ABCC4: variants seen among roughly 807,000 people sequenced by gnomAD.
ABCC4 encodes the protein ATP binding cassette subfamily C member 4 (PEL blood group), also known as ATP-binding cassette sub-family C member 4.
ABCC4 carries 102 observed loss-of-function variants against 168.5 expected under a neutral mutation model. The observed-to-expected ratio is 0.61, with a 90% CI of 0.52 to 0.71. The LOEUF is 0.71. Among genes scored for constraint, ABCC4 ranks in the 30% least tolerant of loss-of-function variants. ABCC4 has a pLI of 0.00. For missense variants in ABCC4, 1,402 were observed against 1,605.8 expected (o/e 0.87, Z 2.17); for synonymous variants, 617 against 590.7 (o/e 1.04, Z -0.65).
In ABCC4 at chr13:95,184,729, G is replaced by A. The variant is rs2038004236; in HGVS notation, c.1545+1972C>T. ...AACCTGTCATAGAGAAATGATGGAA[G>A]AAAAGAGCTGAAAGACAAGGCCCAG... On this transcript the variant is annotated intron_variant, in intron 11 of 30. Coordinates refer to ENST00000645237, the MANE Select transcript of ABCC4 (RefSeq NM_005845.5). Among the ~76,000 whole-genome samples the A allele has an allele frequency of 2.6e-5, 4 of 152,214 alleles. No homozygotes were observed. The South Asian group carries it at 8.3e-4, about 31-fold the overall frequency.
intron 1 of ABCC4, among the ~76,000 whole-genome samples, chr13:95,262,875 T>C (rs2040569610): frequency 6.6e-6 from 1 of 152,178 alleles, no homozygotes; most frequent in Non-Finnish European, 1.5e-5. Context: ...CCTCAAGCAA[T>C]CCAGCCACCT....
At chr13:95,216,608 C>CAAAAAAA (rs199711816) in intron 4 of ABCC4, among the ~76,000 whole-genome samples, 2 of 125,566 alleles carry the variant, frequency 1.6e-5, no homozygotes, top group African/African-American at 6.4e-5. Context: ...AGGAAATTCA[C>CAAAAAAA]AAAAAAAAAA....
intron 30 of ABCC4, among the ~76,000 whole-genome samples, chr13:95,031,738 G>A (rs952972053): frequency 6.6e-6 from 1 of 152,036 alleles, no homozygotes. Context: ...TCCTAATTCT[G>A]TCTCTGCTAT....
At chr13:95,257,865 T>C (rs1187407941) in intron 1 of ABCC4, among the ~76,000 whole-genome samples, 1 of 152,170 alleles carries the variant, frequency 6.6e-6, no homozygotes, top group Non-Finnish European at 1.5e-5. Context: ...GTTATCTTGA[T>C]GCTTTCCCAG....
intron 20 of ABCC4, among the ~76,000 whole-genome samples, chr13:95,108,771 T>G (rs1322861268): frequency 6.6e-6 from 1 of 152,044 alleles, no homozygotes; most frequent in Non-Finnish European, 1.5e-5. Context: ...TAGCTGGGAC[T>G]ACAGGTACCC....
At position 95,247,073 on chromosome 13, in the gene ABCC4, T is replaced by C; in HGVS notation, c.208A>G (p.Arg70Gly). 3 of 1,613,666 alleles carry C rather than the reference T, an allele frequency of 1.9e-6. No homozygotes were observed. ...GGCTTCTGTGCGTCATTCTCAGCTC[T>C]TAAAACTTCTTTATCCCAGAACCTA... ...LQGFWDKEVL[R>G]AENDAQKPSL... The change falls in exon 3 of 31, where the codon AGA becomes GGA. Residue 70 changes from arginine to glycine, a missense_variant. By Grantham distance (125) the Arg-to-Gly change is moderately radical. Coordinates refer to ENST00000645237, the MANE Select transcript of ABCC4 (RefSeq NM_005845.5).
At chr13:95,299,651 A>G (rs2041624751) in intron 1 of ABCC4, among the ~76,000 whole-genome samples, 1 of 152,086 alleles carries the variant, frequency 6.6e-6, no homozygotes, top group Non-Finnish European at 1.5e-5. Flanking sequence ...CAATTCTTCC[A>G]GTGTGGCCCA....
intron 19 of ABCC4, 103 bp from the exon 20 acceptor site, chr13:95,116,104 TTAATA>T (rs2035370503): frequency 2.6e-6 from 2 of 757,780 alleles, no homozygotes; most frequent in Non-Finnish European, 4.2e-6. Context: ...GCATATGTAT[TTAATA>T]TATTATTCAT....
chr13:95,091,288 C>A (rs1334256114), intron 20 of ABCC4, among the ~76,000 whole-genome samples: 2 of 152,104 alleles, frequency 1.3e-5, no homozygotes, highest in Non-Finnish European at 2.9e-5. Flanking sequence ...ATACAAGAAG[C>A]ACAAAGAACA....
chr13:95,079,704 G>A (rs9584279), intron 21 of ABCC4, among the ~76,000 whole-genome samples: 9,918 of 152,114 alleles, frequency 0.065, 1,057 homozygotes, highest in African/African-American at 0.22. Flanking sequence ...GTGTGGTGGC[G>A]GGTGCCTGCA....
chr13:95,170,491 C>T, intron 14 of ABCC4, 41 bp downstream of exon 14: 1 of 1,285,428 alleles, frequency 7.8e-7, no homozygotes, highest in Non-Finnish European at 1.1e-6. Flanking sequence ...TCAACACACC[C>T]AAGTACTTGC....
At chr13:95,250,116 A>G (rs747677097) in intron 1 of ABCC4, among the ~76,000 whole-genome samples, 50 of 152,230 alleles carry the variant, frequency 3.3e-4, no homozygotes, top group Non-Finnish European at 6.3e-4. Flanking sequence ...AAGAGACTAA[A>G]TTATCTTTGA....
At chr13:95,282,373 G>A (rs937023005) in intron 1 of ABCC4, among the ~76,000 whole-genome samples, 2 of 152,166 alleles carry the variant, frequency 1.3e-5, no homozygotes, top group Non-Finnish European at 2.9e-5. Context: ...CACCCTTGCA[G>A]CACAGCAACC....
At chr13:95,202,624 T>A (rs1016652646) in intron 8 of ABCC4, among the ~76,000 whole-genome samples, 13 of 149,774 alleles carry the variant, frequency 8.7e-5, no homozygotes. Flanking sequence ...ATGCTGTGCA[T>A]GTGGGGATAA....
chr13:95,232,313 C>T (rs1362334574), intron 4 of ABCC4, among the ~76,000 whole-genome samples: 1 of 152,128 alleles, frequency 6.6e-6, no homozygotes, highest in Non-Finnish European at 1.5e-5. Flanking sequence ...TCCCCCATGT[C>T]AAAGGAAGAC....
chr13:95,163,684 T>C (rs1358081912), intron 16 of ABCC4, 37 bp from the exon 17 acceptor site: 1 of 1,584,346 alleles, frequency 6.3e-7, no homozygotes. Flanking sequence ...AAAATCAAAC[T>C]TGGGCATGAC....
chr13:95,167,279 C>T (rs2037313417), intron 14 of ABCC4, among the ~76,000 whole-genome samples: 1 of 152,138 alleles, frequency 6.6e-6, no homozygotes, highest in Non-Finnish European at 1.5e-5. Context: ...TGGGACACAA[C>T]CTTGCACAGT....
intron 3 of ABCC4, among the ~76,000 whole-genome samples, chr13:95,240,302 C>A (rs950295389): frequency 1.3e-5 from 2 of 152,224 alleles, no homozygotes; most frequent in Non-Finnish European, 2.9e-5. Context: ...GAGGCTGAGG[C>A]AGGTGGACCA....
At position 95,274,874 on chromosome 13, in the gene ABCC4, C is replaced by T. The variant is rs1367005067; in HGVS notation, c.74+26367G>A. ...GGCGGATCACTTGACGTCAGGAGTT[C>T]GAGACCAGCCTGGCCAACATGGTAC... On this transcript the variant is annotated intron_variant, in intron 1 of 30. Transcript: ENST00000645237. 2.0e-5 allele frequency among the ~76,000 whole-genome samples: 3 copies of T among 152,060 alleles called. No individual in the cohort carries two copies. In the East Asian group the frequency reaches 5.8e-4, roughly 29 times the overall value.
Sources: gnomAD v4.1 joint callset for allele counts (sites outside exome capture counted in the v4.1 genomes callset) on GRCh38, gnomAD v4.1.1 for gene constraint, MANE v1.5 for transcripts, NCBI Gene and HGNC (gene_info 2026-07-23, HGNC 2026-07-21) for gene names.